CCSER1: variants seen among roughly 807,000 people sequenced by gnomAD.
CCSER1 encodes the protein coiled-coil serine rich protein 1, also known as serine-rich coiled-coil domain-containing protein 1.
A neutral mutation model predicts 82.0 loss-of-function variants in CCSER1; 41 were observed. That is an observed-to-expected ratio of 0.50 (90% CI 0.39 to 0.65). The LOEUF (loss-of-function observed/expected upper bound fraction) is 0.65, where lower values mean the gene tolerates loss of function less well. Ranked by LOEUF, CCSER1 falls within the 30% of genes least tolerant of loss-of-function variation. CCSER1 has a pLI of 0.00. For synonymous variants in CCSER1, 414 were observed against 383.9 expected (o/e 1.08, Z -0.92); for missense variants, 1,119 against 1,064.2 (o/e 1.05, Z -0.72).
intron 10 of CCSER1, among the ~76,000 whole-genome samples, chr4:91,503,125 G>A (rs374555679): frequency 3.1e-4 from 47 of 151,930 alleles, no homozygotes; most frequent in Non-Finnish European, 4.1e-4. Flanking sequence ...GGCGGATCAC[G>A]AGGTCAGGAG....
intron 8 of CCSER1, among the ~76,000 whole-genome samples, chr4:90,900,612 A>C (rs1319038389): frequency 6.6e-6 from 1 of 151,434 alleles, no homozygotes; most frequent in Non-Finnish European, 1.5e-5. Flanking sequence ...TTTCTTGTGT[A>C]GTTCTAGTAT....
chr4:90,955,964 C>T (rs2150363256), intron 9 of CCSER1, among the ~76,000 whole-genome samples: 2 of 152,236 alleles, frequency 1.3e-5, no homozygotes, highest in South Asian at 4.1e-4. Flanking sequence ...GATTTACTAA[C>T]ATCTAATGTT....
chr4:90,276,894 T>A (rs1032597047), intron 1 of CCSER1, among the ~76,000 whole-genome samples: 1 of 152,182 alleles, frequency 6.6e-6, no homozygotes, highest in African/African-American at 2.4e-5. Context: ...TTGACTTGAC[T>A]CTCAGCTAGA....
chr4:90,580,115 G>T (rs1210474850), intron 5 of CCSER1, among the ~76,000 whole-genome samples: 1 of 152,092 alleles, frequency 6.6e-6, no homozygotes, highest in Non-Finnish European at 1.5e-5. Context: ...AAACAGGAGA[G>T]GCTGAGCTAT....
intron 4 of CCSER1, among the ~76,000 whole-genome samples, chr4:90,435,368 A>G (rs1332443929): frequency 6.6e-6 from 1 of 152,142 alleles, no homozygotes; most frequent in East Asian, 1.9e-4. Context: ...TAAAATAAAA[A>G]TAAAAGAAAC....
chr4:90,459,691 C>A (rs894487054), intron 4 of CCSER1, among the ~76,000 whole-genome samples: 2 of 151,960 alleles, frequency 1.3e-5, no homozygotes, highest in Non-Finnish European at 1.5e-5. Flanking sequence ...ACTGGATTAG[C>A]GCCCACCATA....
intron 10 of CCSER1, among the ~76,000 whole-genome samples, chr4:91,176,509 G>A (rs1035673042): frequency 6.6e-6 from 1 of 151,998 alleles, no homozygotes; most frequent in Non-Finnish European, 1.5e-5. Flanking sequence ...TTGAGCAGTG[G>A]TTTGTAATTT....
At chr4:91,461,916 GAAGT>G (rs1281416484) in intron 10 of CCSER1, among the ~76,000 whole-genome samples, 1 of 152,174 alleles carries the variant, frequency 6.6e-6, no homozygotes, top group Non-Finnish European at 1.5e-5. Flanking sequence ...AACCAAGTGA[GAAGT>G]AAGTAACTGG....
At chr4:91,182,139 G>T (rs1734093546) in intron 10 of CCSER1, among the ~76,000 whole-genome samples, 1 of 152,090 alleles carries the variant, frequency 6.6e-6, no homozygotes, top group African/African-American at 2.4e-5. Context: ...TGACAGTTGG[G>T]GTCCTCCTCA....
At chr4:91,506,094 T>C (rs954918750) in intron 10 of CCSER1, among the ~76,000 whole-genome samples, 3 of 152,242 alleles carry the variant, frequency 2.0e-5, no homozygotes, top group Admixed American at 6.5e-5. Context: ...TTAATTCATC[T>C]TGAGTTAATT....
rs555001569 is a variant in CCSER1, at chr4:90,172,903, A to G, written c.-42+45072A>G. On this transcript the variant is annotated intron_variant, in intron 1 of 10. Coordinates refer to ENST00000509176, the MANE Select transcript of CCSER1 (RefSeq NM_001145065.2). ...GGAGAGTAGGATTGTAAAATCTGCA[A>G]TAATTTGTGATTGATTTTAAATATT... 1.3e-4 allele frequency among the ~76,000 whole-genome samples: 19 copies of G among 151,980 alleles called. No individual in the cohort carries two copies. In the South Asian group the frequency reaches 3.9e-3, roughly 31 times the overall value.
chr4:91,482,128 C>T (rs1340538288), intron 10 of CCSER1, among the ~76,000 whole-genome samples: 6 of 151,822 alleles, frequency 4.0e-5, no homozygotes, highest in Admixed American at 6.6e-5. Context: ...ACGGGCCGGG[C>T]GCGGTGGCTC....
At chr4:90,929,903 G>A (rs967017745) in intron 9 of CCSER1, among the ~76,000 whole-genome samples, 2 of 152,240 alleles carry the variant, frequency 1.3e-5, no homozygotes, top group South Asian at 4.2e-4. Context: ...TAAGTAATGG[G>A]ATGGTTGATG....
intron 3 of CCSER1, among the ~76,000 whole-genome samples, chr4:90,358,408 C>T (rs928306640): frequency 6.6e-6 from 1 of 152,104 alleles, no homozygotes; most frequent in Non-Finnish European, 1.5e-5. Flanking sequence ...ACATTTTCCT[C>T]ACTTCAAACC....
At chr4:91,460,133 G>T (rs927502402) in intron 10 of CCSER1, among the ~76,000 whole-genome samples, 1 of 152,152 alleles carries the variant, frequency 6.6e-6, no homozygotes, top group Non-Finnish European at 1.5e-5. Context: ...TCCATGGAGA[G>T]TTGAAAGTAA....
chr4:91,442,484 A>C (rs1312796284), intron 10 of CCSER1, among the ~76,000 whole-genome samples: 1 of 136,182 alleles, frequency 7.3e-6, no homozygotes, highest in African/African-American at 2.7e-5. Flanking sequence ...AGATGGATTA[A>C]AGACTTAAAC....
intron 3 of CCSER1, among the ~76,000 whole-genome samples, chr4:90,327,615 GTACTTTAGCCATTATAA>G (rs1428362114): frequency 6.6e-5 from 10 of 152,076 alleles, no homozygotes; most frequent in African/African-American, 2.4e-4. Flanking sequence ...TCGATTTCAT[GTACTTTAGCCATTATAA>G]TACAGGTTCT....
chr4:91,257,124 C>T (rs951847534), intron 10 of CCSER1, among the ~76,000 whole-genome samples: 1 of 151,948 alleles, frequency 6.6e-6, no homozygotes, highest in African/African-American at 2.4e-5. Context: ...ACAGAATTTA[C>T]CTTAGATGAA....
intron 9 of CCSER1, among the ~76,000 whole-genome samples, chr4:90,979,028 A>G (rs1028752499): frequency 1.3e-5 from 2 of 151,706 alleles, no homozygotes; most frequent in Admixed American, 1.3e-4. Flanking sequence ...AATGCAAACA[A>G]CTACTTCCAA....
Sources: allele counts gnomAD v4.1 joint callset (sites outside exome capture counted in the v4.1 genomes callset), GRCh38; gene constraint gnomAD v4.1.1; transcripts MANE v1.5; gene names NCBI Gene and HGNC (gene_info 2026-07-23, HGNC 2026-07-21).